SDHA: variants seen among roughly 807,000 people sequenced by gnomAD.
The protein encoded by SDHA is succinate dehydrogenase complex flavoprotein subunit A.
In SDHA, 48 loss-of-function variants were observed where a neutral mutation model predicts 78.4. That is an observed-to-expected ratio of 0.61 (90% CI 0.49 to 0.78). The LOEUF (loss-of-function observed/expected upper bound fraction) is 0.78, where lower values mean the gene tolerates loss of function less well. SDHA is among the 30% of genes least tolerant of loss of function. The pLI is 0.00. For missense variants in SDHA, 680 were observed against 892.7 expected, an observed-to-expected ratio of 0.76 and a Z score of 3.04; for synonymous variants, 326 against 353.9, an observed-to-expected ratio of 0.92 and a Z score of 0.88.
the SDHA span, among the ~76,000 whole-genome samples, chr5:266,265 C>T: frequency 1.1e-4 from 17 of 151,368 alleles, no homozygotes; most frequent in South Asian, 2.1e-4. Flanking sequence ...TTAATATGGG[C>T]GTTTGAGCAA....
intron 3 of SDHA, chr5:224,837 A>G (rs1216191312): frequency 7.2e-6 from 3 of 414,448 alleles, no homozygotes; most frequent in African/African-American, 4.2e-5. Flanking sequence ...CCTAAAGAGG[A>G]GGAATCAGAA....
At chr5:240,550 A>C (rs1390644254) in intron 11 of SDHA, 74 bp downstream of exon 11, 1 of 957,878 alleles carries the variant, frequency 1.0e-6, no homozygotes, top group East Asian at 2.4e-5. Flanking sequence ...TGTTTTTTAA[A>C]AACTAGATCT....
At chr5:249,149 T>C (rs1736656287) in intron 11 of SDHA, 2 of 397,414 alleles carry the variant, frequency 5.0e-6, no homozygotes, top group Admixed American at 3.7e-5. Flanking sequence ...TAGCAGCTGG[T>C]AATCCATTAA....
At chr5:218,477 G>A in intron 1 of SDHA, 59 bp downstream of exon 1, 3 of 1,279,354 alleles carry the variant, frequency 2.3e-6, no homozygotes, top group East Asian at 3.2e-5. Flanking sequence ...CGGTAGGAGC[G>A]GGACGGTCCC....
At chr5:220,719 G>C (rs1242116422) in intron 1 of SDHA, among the ~76,000 whole-genome samples, 1 of 152,054 alleles carries the variant, frequency 6.6e-6, no homozygotes, top group Non-Finnish European at 1.5e-5. Flanking sequence ...TTTCCGTGGG[G>C]TTAGTGAGGA....
At chr5:233,415 T>C in intron 7 of SDHA, 62 bp from the exon 8 acceptor site, 1 of 1,571,980 alleles carries the variant, frequency 6.4e-7, no homozygotes, top group African/African-American at 1.4e-5. Flanking sequence ...TTGAAAAAAA[T>C]AATGCATTTG....
chr5:248,054 C>T (rs1277040263), intron 11 of SDHA, among the ~76,000 whole-genome samples: 6 of 152,218 alleles, frequency 3.9e-5, no homozygotes, highest in Admixed American at 6.5e-5. Context: ...ACAGCATCTA[C>T]AGAAACCAGC....
intron 10 of SDHA, among the ~76,000 whole-genome samples, chr5:238,774 C>T (rs895152142): frequency 2.0e-5 from 3 of 152,092 alleles, no homozygotes; most frequent in Admixed American, 6.5e-5. Flanking sequence ...GCTTGGGCAA[C>T]GTGGTGAAAC....
chr5:239,581 T>G (rs951433393), intron 10 of SDHA, among the ~76,000 whole-genome samples: 1 of 150,626 alleles, frequency 6.6e-6, no homozygotes, highest in Admixed American at 6.6e-5. Context: ...AAATTGCTAA[T>G]CTTGAAGTAT....
chr5:235,486 T>A (rs1356177400), intron 9 of SDHA, 147 bp downstream of exon 9: 3 of 821,250 alleles, frequency 3.7e-6, no homozygotes, highest in East Asian at 2.7e-5. Flanking sequence ...CACTTTAAAT[T>A]TCTATTACCG....
In SDHA at chr5:236,572, C is replaced by T; in HGVS notation, c.1405C>T (p.Leu469=). ...GGTTGTCTTTGGTCGGGCATGTGCC[C>T]TGAGCATCGAAGAGTCATGCAGGCC... ...DLVVFGRACA[L]SIEESCRPGD... Residue 469 remains leucine (L), a synonymous_variant, in exon 10 of 15, where the codon CTG becomes TTG. Coordinates refer to ENST00000264932, the MANE Select transcript of SDHA (RefSeq NM_004168.4). 6.2e-7 allele frequency: 1 copy of T among 1,614,032 alleles called. No individual in the cohort carries two copies. Among genetic ancestry groups the T allele is most frequent in the Non-Finnish European group, 8.5e-7 (1 of 1,179,886 alleles).
intron 10 of SDHA, 113 bp downstream of exon 10, chr5:236,712 A>G (rs1735811600): frequency 6.7e-6 from 7 of 1,052,572 alleles, no homozygotes; most frequent in Non-Finnish European, 1.0e-5. Context: ...TGGCACAGTC[A>G]TAGCAGCCTC....
intron 10 of SDHA, among the ~76,000 whole-genome samples, chr5:238,875 T>A (rs1234159993): frequency 6.6e-6 from 1 of 151,424 alleles, no homozygotes; most frequent in African/African-American, 2.4e-5. Context: ...GTTGGAGGAT[T>A]GCTGGAGCCT....
intron 11 of SDHA, chr5:250,041 G>A (rs1199771391): frequency 6.6e-6 from 1 of 152,054 alleles, no homozygotes; most frequent in Non-Finnish European, 1.5e-5. Flanking sequence ...AATGTAACCA[G>A]AAATACGAAA....
chr5:245,649 T>A (rs1736397625), intron 11 of SDHA, among the ~76,000 whole-genome samples: 1 of 152,242 alleles, frequency 6.6e-6, no homozygotes, highest in African/African-American at 2.4e-5. Context: ...TTATAGCTCC[T>A]AACAAAATCC....
chr5:267,590 T>C, the SDHA span, among the ~76,000 whole-genome samples: 1 of 152,192 alleles, frequency 6.6e-6, no homozygotes, highest in Non-Finnish European at 1.5e-5. Flanking sequence ...GGAACACAAG[T>C]GCCCAGAAAC....
chr5:252,066 A>G (rs1041040269), intron 13 of SDHA, among the ~76,000 whole-genome samples: 1 of 151,286 alleles, frequency 6.6e-6, no homozygotes. Context: ...ATGCCAGTTT[A>G]TTAAATAACG....
intron 8 of SDHA, 189 bp from the exon 9 acceptor site, chr5:234,955 G>A: frequency 1.5e-6 from 1 of 668,526 alleles, no homozygotes; most frequent in Non-Finnish European, 2.7e-6. Flanking sequence ...CTGTGTCCCA[G>A]CACCTGGGAT....
chr5:233,420 C>T (rs2126576526), intron 7 of SDHA, 57 bp from the exon 8 acceptor site: 1 of 1,570,932 alleles, frequency 6.4e-7, no homozygotes, highest in South Asian at 1.1e-5. Context: ...AAAAATAATG[C>T]ATTTGAAATA....
Sources: allele counts gnomAD v4.1 joint callset (sites outside exome capture counted in the v4.1 genomes callset), GRCh38; gene constraint gnomAD v4.1.1; transcripts MANE v1.5; gene names NCBI Gene and HGNC (gene_info 2026-07-23, HGNC 2026-07-21).